The following PLAC1 variants were observed in gnomAD, a reference collection of about 807,000 sequenced individuals.
PLAC1 encodes placenta associated 1, also known as placenta-specific protein 1.
For missense variants in PLAC1, 136 were observed against 163.2 expected, an observed-to-expected ratio of 0.83 and a Z score of 0.91; for synonymous variants, 68 against 62.1, an observed-to-expected ratio of 1.09 and a Z score of -0.44.
At chrX:134,719,072 G>A (rs1399631986) in intron 2 of PLAC1, among the ~76,000 whole-genome samples, 1 of 112,072 alleles carries the variant, frequency 8.9e-6, no homozygotes, top group East Asian at 2.8e-4. Flanking sequence ...GCAGATTAGT[G>A]GTTGCCAGGG....
chrX:134,588,531 G>A (rs189347868), intron 2 of PLAC1, among the ~76,000 whole-genome samples: 19 of 109,497 alleles, frequency 1.7e-4, no homozygotes, highest in Non-Finnish European at 3.2e-4. Context: ...ATAAATGACC[G>A]CATCTACAGC....
chrX:134,566,057 A>G lies in PLAC1; in HGVS notation c.626T>C (p.Ile209Thr). 1.7e-6 allele frequency: 2 copies of G among 1,209,419 alleles called. No homozygotes were observed. Among genetic ancestry groups the G allele is most frequent in the Non-Finnish European group, 2.2e-6 (2 of 893,450 alleles). Residue 209 changes from isoleucine (I) to threonine (T), a missense_variant, in exon 3 of 3, where the codon ATT becomes ACT. Transcript: ENST00000359237. ...CAAACCTGAGGATCACATGGACCCA[A>G]TCATATCATCTGTGTGAAGAGACCA... ...EDWSLHTDDM[I>T]GSM is the part of the protein sequence containing the mutation.
intron 2 of PLAC1, among the ~76,000 whole-genome samples, chrX:134,713,404 T>C (rs1185060807): frequency 8.9e-6 from 1 of 112,558 alleles, no homozygotes; most frequent in Non-Finnish European, 1.9e-5. Flanking sequence ...TAAAGACTGT[T>C]TAAATAAACA....
chrX:134,606,692 G>T (rs183757137), intron 1 of PLAC1, among the ~76,000 whole-genome samples: 80 of 112,167 alleles, frequency 7.1e-4, no homozygotes, highest in African/African-American at 2.4e-3. Flanking sequence ...ATTCGATCCA[G>T]GAGTCCCACT....
At chrX:134,662,469 G>A (rs1031841738), upstream of PLAC1, among the ~76,000 whole-genome samples, 36 of 112,412 alleles carry the variant, frequency 3.2e-4, no homozygotes, top group African/African-American at 1.2e-3. Context: ...TTTATGTCAG[G>A]GAAACTAGCA....
chrX:134,604,062 G>C (rs1183053980), intron 1 of PLAC1, among the ~76,000 whole-genome samples: 3 of 112,246 alleles, frequency 2.7e-5, no homozygotes, highest in Non-Finnish European at 5.6e-5. Flanking sequence ...AGAGCTCAGG[G>C]CTCCTCATGG....
At chrX:134,665,009 A>G (rs2078431277) in intron 2 of PLAC1, among the ~76,000 whole-genome samples, 1 of 112,119 alleles carries the variant, frequency 8.9e-6, no homozygotes, top group Non-Finnish European at 1.9e-5. Flanking sequence ...AAATGCAGCC[A>G]TAACATACAT....
At chrX:134,687,143 GA>G (rs1241371344) in intron 2 of PLAC1, among the ~76,000 whole-genome samples, 1 of 111,648 alleles carries the variant, frequency 9.0e-6, no homozygotes, top group Non-Finnish European at 1.9e-5. Flanking sequence ...AAAATCATTG[GA>G]AATGCCCAAG....
chrX:134,672,888 T>G (rs1399824253), intron 2 of PLAC1, among the ~76,000 whole-genome samples: 1 of 112,556 alleles, frequency 8.9e-6, no homozygotes, highest in Non-Finnish European at 1.9e-5. Flanking sequence ...ATCCTGTCAT[T>G]TCAGAGACTC....
At chrX:134,590,931 C>T (rs2078036723) in intron 2 of PLAC1, among the ~76,000 whole-genome samples, 2 of 94,950 alleles carry the variant, frequency 2.1e-5, no homozygotes, top group Admixed American at 2.8e-4. Context: ...CCAGAAGAGA[C>T]ATTTTAACAT....
chrX:134,758,789 G>C (rs1193500232), intron 1 of PLAC1, among the ~76,000 whole-genome samples: 7 of 111,716 alleles, frequency 6.3e-5, no homozygotes, highest in Admixed American at 3.8e-4. Flanking sequence ...GGCAAATCAA[G>C]CTAAAAATCT....
rs752192722 is a variant in PLAC1 at position 134,667,925 on chromosome X, C to CAA, written n.174+65508_174+65509dup. Among the ~76,000 whole-genome samples the CAA allele has an allele frequency of 8.4e-4, 73 of 87,367 alleles. 1 individual carries two copies. Among genetic ancestry groups the CAA allele is most frequent in the African/African-American group, 2.6e-3 (61 of 23,773 alleles). The allele number at this position is 87,367 out of a possible 115,157, so 75.9% of individuals were successfully genotyped here. On this transcript the variant is annotated intron_variant and non_coding_transcript_variant, in intron 2 of 2. Coordinates refer to the PLAC1 transcript ENST00000466797. ...TAAGTGACAGAACAAGACCTTGTCTCAAAAAAAAAAAAAAAGTTAACTGTG... is the reference window on the plus strand; with the variant it reads ...TAAGTGACAGAACAAGACCTTGTCTCAAAAAAAAAAAAAAAAAGTTAACTGTG...
chrX:134,746,711 G>C (rs1438503809), intron 1 of PLAC1, among the ~76,000 whole-genome samples: 2 of 111,754 alleles, frequency 1.8e-5, no homozygotes, highest in African/African-American at 3.3e-5. Flanking sequence ...TCAGCGTCGA[G>C]ACTGCCAGAG....
rs193168748 is a variant in PLAC1 at position 134,695,228 on chromosome X, A to G, written n.174+38207T>C. 8.9e-5 allele frequency among the ~76,000 whole-genome samples: 10 copies of G among 112,505 alleles called. No homozygotes were observed. In the East Asian group the frequency reaches 2.8e-3, roughly 31 times the overall value. The stretch of plus-strand genomic sequence containing the variant: ...AGATCCAGTTAAATTTGGTGATTTA[A>G]TAGAGGCCAGGTCAATCATTTTTTC... On this transcript the variant is annotated intron_variant and non_coding_transcript_variant, in intron 2 of 2. Coordinates refer to the PLAC1 transcript ENST00000466797.
intron 1 of PLAC1, among the ~76,000 whole-genome samples, chrX:134,757,304 T>C (rs746167025): frequency 9.7e-5 from 11 of 113,274 alleles, no homozygotes; most frequent in African/African-American, 3.5e-4. Flanking sequence ...AAATTGACAT[T>C]GTATACACCT....
chrX:134,746,308 T>C (rs2078728995), intron 1 of PLAC1, among the ~76,000 whole-genome samples: 1 of 112,134 alleles, frequency 8.9e-6, no homozygotes, highest in African/African-American at 3.2e-5. Context: ...GCTGGGCAGG[T>C]TGCCTTGTTC....
chrX:134,730,863 T>C (rs1488798084), intron 2 of PLAC1, among the ~76,000 whole-genome samples: 1 of 111,664 alleles, frequency 9.0e-6, no homozygotes, highest in African/African-American at 3.3e-5. Flanking sequence ...GGTATGGAAG[T>C]TGCAGCTGAA....
intron 2 of PLAC1, among the ~76,000 whole-genome samples, chrX:134,599,732 T>G (rs754767758): frequency 1.1e-4 from 12 of 111,537 alleles, no homozygotes; most frequent in Non-Finnish European, 1.5e-4. Context: ...ACTTCCTAAG[T>G]TTTTCTATCT....
chrX:134,707,673 T>C (rs1237771006), intron 2 of PLAC1, among the ~76,000 whole-genome samples: 1 of 112,392 alleles, frequency 8.9e-6, no homozygotes, highest in African/African-American at 3.2e-5. Flanking sequence ...AAGGAATCTT[T>C]GAGCATCAGG....
Sources: allele counts gnomAD v4.1 joint callset (sites outside exome capture counted in the v4.1 genomes callset), GRCh38; gene constraint gnomAD v4.1.1; transcripts MANE v1.5; gene names NCBI Gene and HGNC (gene_info 2026-07-23, HGNC 2026-07-21).